EHD3: variants seen among roughly 807,000 people sequenced by gnomAD.
EHD3 encodes EH domain-containing protein 3.
EHD3 carries 17 observed loss-of-function variants against 43.0 expected under a neutral mutation model. That is an observed-to-expected ratio of 0.40 (90% CI 0.27 to 0.59). EHD3 has a LOEUF of 0.59. EHD3 is among the 20% of genes least tolerant of loss of function. The probability of loss-of-function intolerance (pLI) is 0.49; values close to 1 mark genes in which losing one functional copy is unlikely to be tolerated. For synonymous variants in EHD3, 313 were observed against 289.5 expected (o/e 1.08, Z -0.82); for missense variants, 594 against 705.6 (o/e 0.84, Z 1.79).
chr2:31,247,099 G>T (rs1558648343), intron 2 of EHD3, among the ~76,000 whole-genome samples: 1 of 152,142 alleles, frequency 6.6e-6, no homozygotes, highest in South Asian at 2.1e-4. Flanking sequence ...GTTTCACCAT[G>T]TTGGCCAGGC....
intron 1 of EHD3, among the ~76,000 whole-genome samples, chr2:31,237,964 A>T (rs1172613211): frequency 6.6e-6 from 1 of 151,286 alleles, no homozygotes; most frequent in Non-Finnish European, 1.5e-5. Context: ...TCTGTGTATA[A>T]TATTTTTTCC....
At chr2:31,240,389 C>G (rs891989816) in intron 1 of EHD3, among the ~76,000 whole-genome samples, 5 of 152,200 alleles carry the variant, frequency 3.3e-5, no homozygotes, top group Middle Eastern at 3.2e-3. Flanking sequence ...GCATGAGATT[C>G]CTCAATAGAT....
At chr2:31,261,791 A>G in intron 5 of EHD3, 78 bp downstream of exon 5, 11 of 1,537,050 alleles carry the variant, frequency 7.2e-6, no homozygotes, top group Non-Finnish European at 9.7e-6. Flanking sequence ...GGAGGAGGCC[A>G]CTCTTGGAGC....
intron 1 of EHD3, among the ~76,000 whole-genome samples, chr2:31,237,456 G>A (rs1459293826): frequency 6.6e-6 from 1 of 152,112 alleles, no homozygotes; most frequent in Non-Finnish European, 1.5e-5. Context: ...CCAGGCTGGA[G>A]TACAATGGCA....
Position 31,244,453 on chromosome 2 carries a change from G to A in EHD3, c.404+3G>A. 6.2e-7 allele frequency: 1 copy of A among 1,613,272 alleles called. No homozygotes were observed. Among genetic ancestry groups the A allele is most frequent in the Non-Finnish European group, 8.5e-7 (1 of 1,179,558 alleles). On this transcript the variant is annotated splice_donor_region_variant and intron_variant, in intron 2 of 5. Coordinates refer to ENST00000322054, the MANE Select transcript of EHD3 (RefSeq NM_014600.3). ...TTTGGCAACGCCTTCTTGAACAGGT[G>A]AGTGTGGAGGGAACACAACACTTTC...
Position 31,266,115 on chromosome 2 carries a change from G to A in EHD3, c.1081-62G>A. Reference sequence around the variant, plus strand: ...ATTCTGGTGCTCATAGGAGGCACGTGATAAATGGAGGGCTCTCCTTTCATC... The same window carrying A: ...ATTCTGGTGCTCATAGGAGGCACGTAATAAATGGAGGGCTCTCCTTTCATC... On this transcript the variant is annotated intron_variant, in intron 5 of 5. Transcript: ENST00000322054. This position sits in a 1 kb window ranked among gnomAD's most constrained non-coding sequence, Gnocchi z 5.1. 1 of 1,537,694 alleles carries A rather than the reference G, an allele frequency of 6.5e-7. No homozygotes were observed. Among genetic ancestry groups the A allele is most frequent in the Non-Finnish European group, 8.8e-7 (1 of 1,139,770 alleles).
At chr2:31,256,316 G>C (rs1683752076) in intron 3 of EHD3, among the ~76,000 whole-genome samples, 2 of 152,212 alleles carry the variant, frequency 1.3e-5, no homozygotes, top group Admixed American at 1.3e-4. Flanking sequence ...GATTTGTTTA[G>C]ATCCTCACAA....
rs67643147 is a variant in EHD3 at position 31,266,761 on chromosome 2, T to TAC, written c.*89_*90dup. The TAC allele has an allele frequency of 0.044, 51,582 of 1,174,436 alleles. 1,149 individuals are homozygous for TAC. The highest frequency in any genetic ancestry group is 0.21 in the African/African-American group (12,717 of 61,214). The allele number at this position is 1,174,436 out of a possible 1,614,324, so 72.8% of individuals were successfully genotyped here. On this transcript the variant is annotated 3_prime_UTR_variant, in exon 6 of 6. Transcript: ENST00000322054. The surrounding 1 kb of genome is among the most constrained non-coding windows in gnomAD (Gnocchi z 5.1). Reference sequence around the variant, plus strand: ...TAGAGGAGGAGATGGGAGCGGTGACTACACACACACACACACACACACACA... The same window carrying TAC: ...TAGAGGAGGAGATGGGAGCGGTGACTACACACACACACACACACACACACACA...
chr2:31,252,688 C>G lies in EHD3; in HGVS notation c.502+3220C>G, dbSNP rs532713869. Among the ~76,000 whole-genome samples the G allele has an allele frequency of 3.3e-3, 506 of 152,266 alleles. 2 individuals are homozygous for G. The highest frequency in any genetic ancestry group is 0.012 in the African/African-American group (482 of 41,556). ...CGGGGTTTCACTACCTCTCTCCTGC[C>G]TTTGTCTTTGGACCCCAGTGACTGC... On this transcript the variant is annotated intron_variant, in intron 3 of 5. Coordinates refer to ENST00000322054, the MANE Select transcript of EHD3 (RefSeq NM_014600.3).
At position 31,266,968 on chromosome 2, in the gene EHD3, CCT is replaced by C; in HGVS notation, c.*268_*269del. On this transcript the variant is annotated 3_prime_UTR_variant, in exon 6 of 6. Transcript: ENST00000322054. The surrounding 1 kb of genome is among the most constrained non-coding windows in gnomAD (Gnocchi z 5.1). Reference sequence around the variant, plus strand: ...AAGCCTAAGTCTCTATCGCTCTTCCCCTCTCCTCGGCCACTCCCCAGATACCA... The same window carrying C: ...AAGCCTAAGTCTCTATCGCTCTTCCCCTCCTCGGCCACTCCCCAGATACCA... 2.2e-6 allele frequency: 1 copy of C among 456,086 alleles called. No homozygotes were observed. Among genetic ancestry groups the C allele is most frequent in the Non-Finnish European group, 3.9e-6 (1 of 259,310 alleles). The allele number at this position is 456,086 out of a possible 1,614,324, so 28.3% of individuals were successfully genotyped here. A position where few individuals can be genotyped will look rare whatever the true frequency, so the allele number is the denominator to read the frequency against.
rs768210186 is a variant in EHD3, at chr2:31,260,356, G to T, written c.503-154G>T. Among the ~76,000 whole-genome samples, 1 of 152,168 alleles carries T rather than the reference G, an allele frequency of 6.6e-6. No individual in the cohort carries two copies. The highest frequency in any genetic ancestry group is 1.5e-5 in the Non-Finnish European group (1 of 68,032). On this transcript the variant is annotated intron_variant, in intron 3 of 5. Transcript: ENST00000322054. The surrounding 1 kb of genome is among the most constrained non-coding windows in gnomAD (Gnocchi z 4.6). Reference sequence around the variant, plus strand: ...AATTCTATGAGACATTGAGTAATTTGCTGGAGTCCAAACAGTTAAAATGTG... The same window carrying T: ...AATTCTATGAGACATTGAGTAATTTTCTGGAGTCCAAACAGTTAAAATGTG...
chr2:31,260,426 T>C lies in EHD3; in HGVS notation c.503-84T>C, dbSNP rs961398060. 2 of 1,392,288 alleles carry C rather than the reference T, an allele frequency of 1.4e-6. No homozygotes were observed. Among genetic ancestry groups the C allele is most frequent in the Non-Finnish European group, 1.9e-6 (2 of 1,032,554 alleles). The allele number at this position is 1,392,288 out of a possible 1,614,324, so 86.2% of individuals were successfully genotyped here. ...TTAGATCTGACTCCCAAGACTGTGT[T>C]ATTTCTACCACACCCGACTGCTTCT... is the stretch of plus-strand genomic sequence containing the variant. On this transcript the variant is annotated intron_variant, in intron 3 of 5. Transcript: ENST00000322054. The surrounding 1 kb of genome is among the most constrained non-coding windows in gnomAD (Gnocchi z 4.6).
chr2:31,234,932 A>G, intron 1 of EHD3, 84 bp downstream of exon 1: 1 of 1,336,964 alleles, frequency 7.5e-7, no homozygotes, highest in Non-Finnish European at 1.1e-6. Context: ...CATCCCAGAC[A>G]GGGGACCAAT....
chr2:31,254,106 G>T (rs181103849), intron 3 of EHD3, among the ~76,000 whole-genome samples: 1 of 152,180 alleles, frequency 6.6e-6, no homozygotes, highest in Non-Finnish European at 1.5e-5. Flanking sequence ...GCTCAGTAAG[G>T]CCAGAGCAGG....
At position 31,260,526 on chromosome 2, in the gene EHD3, T is replaced by C. The variant is rs764883628; in HGVS notation, c.519T>C (p.Ala173=). 1 of 1,604,648 alleles carries C rather than the reference T, an allele frequency of 6.2e-7. No individual in the cohort carries two copies. Among genetic ancestry groups the C allele is most frequent in the Non-Finnish European group, 8.5e-7 (1 of 1,173,194 alleles). ...QRISRGYDFA[A]VLEWFAERVD... is the part of the protein sequence containing the mutation. The stretch of plus-strand genomic sequence containing the variant: ...TGCCGGCAGGGTATGACTTTGCAGC[T>C]GTCCTTGAGTGGTTTGCCGAGCGGG... Residue 173 remains alanine, a synonymous_variant, in exon 4 of 6, where the codon GCT becomes GCC. Transcript: ENST00000322054. This position sits in a 1 kb window ranked among gnomAD's most constrained non-coding sequence, Gnocchi z 4.6.
At chr2:31,240,887 A>C (rs910638465) in intron 1 of EHD3, among the ~76,000 whole-genome samples, 1 of 152,164 alleles carries the variant, frequency 6.6e-6, no homozygotes, top group African/African-American at 2.4e-5. Context: ...TCCCTTGCAG[A>C]GCCCTGCTTA....
Position 31,234,349 on chromosome 2 carries a change from C to T in EHD3, c.-273C>T, listed in dbSNP as rs1656052255. ...TCCTTGCAGGTTCAACTTTAATTGCCAAGATTTCACCCCTCCTCCTCAAGC... is the reference window on the plus strand; with the variant it reads ...TCCTTGCAGGTTCAACTTTAATTGCTAAGATTTCACCCCTCCTCCTCAAGC... On this transcript the variant is annotated 5_prime_UTR_variant, in exon 1 of 6. Coordinates refer to ENST00000322054, the MANE Select transcript of EHD3 (RefSeq NM_014600.3). The T allele has an allele frequency of 1.1e-5, 5 of 470,350 alleles. No individual in the cohort carries two copies. The highest frequency in any genetic ancestry group is 2.0e-5 in the African/African-American group (1 of 48,796). The allele number at this position is 470,350 out of a possible 1,614,324, so 29.1% of individuals were successfully genotyped here.
chr2:31,258,974 C>T (rs1683800314), intron 3 of EHD3, among the ~76,000 whole-genome samples: 1 of 152,358 alleles, frequency 6.6e-6, no homozygotes, highest in Admixed American at 6.5e-5. Flanking sequence ...TTAAGTCTGA[C>T]TCACTCACAA....
intron 1 of EHD3, among the ~76,000 whole-genome samples, chr2:31,243,914 T>G (rs535767204): frequency 6.6e-6 from 1 of 152,314 alleles, no homozygotes; most frequent in South Asian, 2.1e-4. Context: ...TGTGGGTACT[T>G]CAGCAGGTTA....
Sources: allele counts gnomAD v4.1 joint callset (sites outside exome capture counted in the v4.1 genomes callset), GRCh38; gene constraint gnomAD v4.1.1; non-coding constraint Gnocchi (gnomAD v3.1); transcripts MANE v1.5; gene names NCBI Gene and HGNC (gene_info 2026-07-23, HGNC 2026-07-21).